Variants in CD83 observed in about 807,000 individuals in gnomAD.
CD83 encodes the protein CD83 antigen.
CD83 carries 22 observed loss-of-function variants against 24.6 expected under a neutral mutation model. The ratio of observed to expected loss-of-function variants is 0.90; its 90% CI spans 0.64 to 1.28. The LOEUF is 1.28. Ranked by LOEUF, CD83 falls within the 50% of genes most tolerant of loss-of-function variation. The probability of loss-of-function intolerance (pLI) is 0.00; values close to 1 mark genes in which losing one functional copy is unlikely to be tolerated. For synonymous variants in CD83, 101 were observed against 103.5 expected (o/e 0.98, Z 0.14); for missense variants, 253 against 252.8 (o/e 1.00, Z -0.01).
rs143865760 is a variant in CD83, at chr6:14,133,112, C to T, written c.383-537C>T. Among the ~76,000 whole-genome samples the T allele has an allele frequency of 2.3e-3, 343 of 152,362 alleles. 2 individuals carry two copies. Among genetic ancestry groups the T allele is most frequent in the Middle Eastern group, 0.01 (3 of 294 alleles). ...GAATGATTCTAGAAAAATCTGTTGA[C>T]GTATTTGGCAATATCAGGGCAGCTC... On this transcript the variant is annotated intron_variant, in intron 3 of 4. Transcript: ENST00000379153.
At chr6:14,123,489 T>C (rs934437637) in intron 2 of CD83, among the ~76,000 whole-genome samples, 1 of 152,192 alleles carries the variant, frequency 6.6e-6, no homozygotes, top group Non-Finnish European at 1.5e-5. Flanking sequence ...AGAATATGAT[T>C]CATCTTAGAA....
chr6:14,121,385 C>T (rs1196456847), intron 2 of CD83, among the ~76,000 whole-genome samples: 1 of 151,520 alleles, frequency 6.6e-6, no homozygotes. Flanking sequence ...ATACATTGCC[C>T]AGGCTGGTCT....
chr6:14,125,085 C>T (rs1759774084), intron 2 of CD83, among the ~76,000 whole-genome samples: 2 of 152,210 alleles, frequency 1.3e-5, no homozygotes, highest in African/African-American at 4.8e-5. Context: ...AAGAGAAAGG[C>T]ACAGAACAGA....
At chr6:14,118,607 A>C (rs1305239515) in intron 2 of CD83, among the ~76,000 whole-genome samples, 2 of 152,130 alleles carry the variant, frequency 1.3e-5, no homozygotes, top group African/African-American at 4.8e-5. Context: ...TTTGTGGGAT[A>C]CCCTTGGCTT....
In CD83 at chr6:14,135,173, C is replaced by T. The variant is rs1561833663; in HGVS notation, c.555C>T (p.Leu185=). The T allele has an allele frequency of 1.2e-6, 2 of 1,614,068 alleles. No homozygotes were observed. The highest frequency in any genetic ancestry group is 1.7e-6 in the Non-Finnish European group (2 of 1,179,918). ...AAGCTGGCATGGAACGAGCTTTTCTCCCAGTTACCTCCCCAAATAAGCATT... is the reference window on the plus strand; with the variant it reads ...AAGCTGGCATGGAACGAGCTTTTCTTCCAGTTACCTCCCCAAATAAGCATT... ...FSKAGMERAF[L]PVTSPNKHLG... The change falls in exon 5 of 5, where the codon CTC becomes CTT. Residue 185 remains leucine (L), a synonymous_variant. Coordinates refer to ENST00000379153, the MANE Select transcript of CD83 (RefSeq NM_004233.4).
chr6:14,121,843 C>T (rs959062791), intron 2 of CD83, among the ~76,000 whole-genome samples: 1 of 152,126 alleles, frequency 6.6e-6, no homozygotes, highest in Non-Finnish European at 1.5e-5. Flanking sequence ...GCTGTGTCTA[C>T]ACTCTCTTTA....
chr6:14,125,324 C>T (rs1759778178), intron 2 of CD83, among the ~76,000 whole-genome samples: 2 of 152,144 alleles, frequency 1.3e-5, no homozygotes, highest in Non-Finnish European at 2.9e-5. Context: ...GTTCTGTGTC[C>T]AACCTCTACA....
At chr6:14,117,486 G>A (rs1449478398), upstream of CD83, among the ~76,000 whole-genome samples, 1 of 151,378 alleles carries the variant, frequency 6.6e-6, no homozygotes, top group Non-Finnish European at 1.5e-5. This position sits in a 1 kb window ranked among gnomAD's most constrained non-coding sequence, Gnocchi z 4.6. Context: ...CGTCACGCGG[G>A]GATTGCTGTC....
At chr6:14,123,954 TAA>T (rs1459547917) in intron 2 of CD83, among the ~76,000 whole-genome samples, 1 of 152,174 alleles carries the variant, frequency 6.6e-6, no homozygotes, top group East Asian at 1.9e-4. Context: ...ATTGATTACC[TAA>T]AAAAAGTTTC....
At chr6:14,131,420 A>G (rs1757896584) in intron 2 of CD83, 100 bp from the exon 3 acceptor site, 1 of 828,222 alleles carries the variant, frequency 1.2e-6, no homozygotes, top group South Asian at 1.7e-5. Flanking sequence ...TTTTACAAAC[A>G]TAAGTTGAGG....
chr6:14,132,028 CCTT>C (rs1757923338), intron 3 of CD83, among the ~76,000 whole-genome samples: 1 of 152,210 alleles, frequency 6.6e-6, no homozygotes, highest in Admixed American at 6.5e-5. Flanking sequence ...GTTGATTTCT[CCTT>C]CTGTCAGGGA....
intron 3 of CD83, 72 bp from the exon 4 acceptor site, chr6:14,133,577 G>A (rs549162428): frequency 1.0e-6 from 1 of 1,004,880 alleles, no homozygotes; most frequent in African/African-American, 1.6e-5. Context: ...AAGGAACAAA[G>A]CATTCTTAGC....
At position 14,133,650 on chromosome 6, in the gene CD83, A is replaced by G. The variant is rs773156134; in HGVS notation, c.384A>G (p.Gly128=). 6.3e-7 allele frequency: 1 copy of G among 1,585,302 alleles called. No homozygotes were observed. The highest frequency in any genetic ancestry group is 2.2e-5 in the East Asian group (1 of 44,694). ...CACATGTCGCTTACTTTTTTAAAGG[A>G]TGCCCTGCACAGCGTAAAGAAGAGA... The part of the protein sequence containing the change: ...LSGKVILRVT[G]CPAQRKEETF... Residue 128 remains glycine, a splice_region_variant and synonymous_variant, in exon 4 of 5, where the codon GGA becomes GGG. Transcript: ENST00000379153.
chr6:14,130,795 T>G (rs1757877758), intron 2 of CD83, among the ~76,000 whole-genome samples: 1 of 152,210 alleles, frequency 6.6e-6, no homozygotes, highest in Non-Finnish European at 1.5e-5. Context: ...TCTCCCCAAG[T>G]CCGGCTGGTC....
At chr6:14,118,975 T>C (rs1171664968) in intron 2 of CD83, among the ~76,000 whole-genome samples, 1 of 152,222 alleles carries the variant, frequency 6.6e-6, no homozygotes, top group Admixed American at 6.5e-5. Flanking sequence ...TCTGCACTTG[T>C]AGCTTTCCCC....
chr6:14,118,176 G>A, intron 2 of CD83, 111 bp downstream of exon 2: 1 of 694,208 alleles, frequency 1.4e-6, no homozygotes, highest in Non-Finnish European at 2.3e-6. Flanking sequence ...GGGGCGAGGG[G>A]CGTCTCCCGC....
intron 3 of CD83, among the ~76,000 whole-genome samples, chr6:14,132,766 T>C (rs1757945255): frequency 6.6e-6 from 1 of 152,216 alleles, no homozygotes; most frequent in Non-Finnish European, 1.5e-5. Flanking sequence ...GAATCCATTT[T>C]CAGGGGTTGA....
Position 14,118,065 on chromosome 6 carries a change from G to A in CD83, c.153G>A (p.Lys51=), listed in dbSNP as rs528134602. The change falls in exon 2 of 5, where the codon AAG becomes AAA. Residue 51 remains lysine (K), a splice_region_variant and synonymous_variant. Coordinates refer to ENST00000379153, the MANE Select transcript of CD83 (RefSeq NM_004233.4). ...TTCCCTACACGGTCTCCTGGGTCAA[G>A]GTAGGTGCTGCGATACCCACGGGCT... ...PQVPYTVSWV[K]LLEGGEERME... is the part of the protein sequence containing the mutation. The A allele has an allele frequency of 2.5e-6, 4 of 1,600,952 alleles. No homozygotes were observed. The highest frequency in any genetic ancestry group is 2.7e-5 in the African/African-American group (2 of 74,644).
chr6:14,120,506 T>G (rs767122363), intron 2 of CD83, among the ~76,000 whole-genome samples: 3 of 152,214 alleles, frequency 2.0e-5, no homozygotes, highest in Non-Finnish European at 2.9e-5. Flanking sequence ...CAGAACCAGC[T>G]TATCCCATCC....
Sources: allele counts gnomAD v4.1 joint callset (sites outside exome capture counted in the v4.1 genomes callset), GRCh38; gene constraint gnomAD v4.1.1; non-coding constraint Gnocchi (gnomAD v3.1); transcripts MANE v1.5; gene names NCBI Gene and HGNC (gene_info 2026-07-23, HGNC 2026-07-21).